UNC5A: variants seen among roughly 807,000 people sequenced by gnomAD.
UNC5A encodes the protein unc-5 netrin receptor A.
A neutral mutation model predicts 87.4 loss-of-function variants in UNC5A; 20 were observed. The observed-to-expected ratio is 0.23, with a 90% CI of 0.16 to 0.33. UNC5A has a LOEUF of 0.33. Among genes scored for constraint, UNC5A ranks in the 10% least tolerant of loss-of-function variants. The pLI is 1.00. For missense variants in UNC5A, 844 were observed against 1,133.4 expected (o/e 0.74, Z 3.67); for synonymous variants, 438 against 482.3 (o/e 0.91, Z 1.20).
At chr5:176,858,166 G>T (rs1019991331) in intron 1 of UNC5A, among the ~76,000 whole-genome samples, 4 of 152,242 alleles carry the variant, frequency 2.6e-5, no homozygotes, top group Non-Finnish European at 4.4e-5. Context: ...TGCACAGTCT[G>T]GGGGTGGGGA....
rs200300091 is a variant in UNC5A at position 176,862,872 on chromosome 5, G to T, written c.292+27G>T. On this transcript the variant is annotated intron_variant, in intron 2 of 14. Transcript: ENST00000329542. The stretch of plus-strand genomic sequence containing the variant: ...TGAGCCGCATGGGGCGCCAGGCAGG[G>T]CCAATCCGGGGGAGGCGAGTTTCGG... 3,296 of 1,610,368 alleles carry T rather than the reference G, an allele frequency of 2.0e-3. 13 individuals carry two copies. Among genetic ancestry groups the T allele is most frequent in the Non-Finnish European group, 2.4e-3 (2,859 of 1,179,090 alleles).
chr5:176,879,332 T>C lies in UNC5A; in HGVS notation c.2207T>C (p.Leu736Pro), dbSNP rs1361908224. The C allele has an allele frequency of 6.2e-7, 1 of 1,607,704 alleles. No individual in the cohort carries two copies. Among genetic ancestry groups the C allele is most frequent in the Admixed American group, 1.7e-5 (1 of 58,712 alleles). The change falls in exon 14 of 15, where the codon CTG becomes CCG. Residue 736 changes from leucine (L) to proline (P), a missense_variant. Coordinates refer to ENST00000329542, the MANE Select transcript of UNC5A (RefSeq NM_133369.3). ...ITKDTRFAEL[L>P]ALESEAGVPA... Reference sequence around the variant, plus strand: ...CAGGACACAAGGTTTGCTGAGCTGCTGGCTCTGGAGAGTGAAGCGGGGGTC... The same window carrying C: ...CAGGACACAAGGTTTGCTGAGCTGCCGGCTCTGGAGAGTGAAGCGGGGGTC...
intron 1 of UNC5A, among the ~76,000 whole-genome samples, chr5:176,834,504 A>T (rs1396253234): frequency 1.3e-5 from 2 of 152,216 alleles, no homozygotes; most frequent in Admixed American, 6.5e-5. Context: ...AAATGCCAGG[A>T]AAGGACGAAA....
chr5:176,863,158 T>G (rs905969651), intron 2 of UNC5A, among the ~76,000 whole-genome samples: 5 of 152,150 alleles, frequency 3.3e-5, no homozygotes, highest in Non-Finnish European at 7.3e-5. Flanking sequence ...GAGCCCAAGT[T>G]CCCACAGAGA....
At chr5:176,854,464 G>T (rs375660562) in intron 1 of UNC5A, among the ~76,000 whole-genome samples, 1 of 152,206 alleles carries the variant, frequency 6.6e-6, no homozygotes, top group African/African-American at 2.4e-5. Context: ...ACTCCCCTGC[G>T]TGTCTGCAAG....
chr5:176,862,907 A>C, intron 2 of UNC5A, 62 bp downstream of exon 2: 1 of 1,582,140 alleles, frequency 6.3e-7, no homozygotes, highest in Non-Finnish European at 8.6e-7. Flanking sequence ...GCCCCCCCAG[A>C]GGAGCCTGCA....
chr5:176,813,803 A>G (rs1756526260), intron 1 of UNC5A, among the ~76,000 whole-genome samples: 1 of 152,232 alleles, frequency 6.6e-6, no homozygotes, highest in Non-Finnish European at 1.5e-5. Flanking sequence ...TTCACAAGGC[A>G]GGAGCCTGCC....
chr5:176,879,742 C>T lies in UNC5A; in HGVS notation c.2385C>T (p.Ser795=), dbSNP rs142194384. 2 of 1,613,130 alleles carry T rather than the reference C, an allele frequency of 1.2e-6. No individual in the cohort carries two copies. The highest frequency in any genetic ancestry group is 2.7e-5 in the African/African-American group (2 of 74,918). ...HLDSHLSFFA[S]KPSPTAMILN... ...ACAGCCATCTCAGCTTCTTTGCCTCCAAGCCCAGCCCCACAGCCATGATCC... is the reference window on the plus strand; with the variant it reads ...ACAGCCATCTCAGCTTCTTTGCCTCTAAGCCCAGCCCCACAGCCATGATCC... Residue 795 remains serine, a synonymous_variant, in exon 15 of 15, where the codon TCC becomes TCT. Transcript: ENST00000329542.
chr5:176,864,924 C>G (rs1343819372), intron 2 of UNC5A: 4 of 436,846 alleles, frequency 9.2e-6, no homozygotes, highest in African/African-American at 8.1e-5. Context: ...CAGAGGCCTC[C>G]CTGCCCAGCA....
At position 176,831,157 on chromosome 5, in the gene UNC5A, C is replaced by T. The variant is rs145534679; in HGVS notation, c.70+20337C>T. Reference sequence around the variant, plus strand: ...AAGGAAAATAACTAGAAGCTTTTATCGTTCTGCAGAAGCAACATCAGAAAA... The same window carrying T: ...AAGGAAAATAACTAGAAGCTTTTATTGTTCTGCAGAAGCAACATCAGAAAA... On this transcript the variant is annotated intron_variant, in intron 1 of 14. Coordinates refer to ENST00000329542, the MANE Select transcript of UNC5A (RefSeq NM_133369.3). 5.7e-3 allele frequency among the ~76,000 whole-genome samples: 875 copies of T among 152,248 alleles called. 8 individuals are homozygous for T. The highest frequency in any genetic ancestry group is 0.014 in the South Asian group (69 of 4,828).
chr5:176,843,737 G>A (rs890519510), intron 1 of UNC5A, among the ~76,000 whole-genome samples: 2 of 152,314 alleles, frequency 1.3e-5, no homozygotes, highest in East Asian at 1.9e-4. Flanking sequence ...ACCGGGCTGC[G>A]CCCTGGAGCC....
Position 176,866,935 on chromosome 5 carries a change from T to C in UNC5A, c.293-1195T>C, listed in dbSNP as rs1182758774. Among the ~76,000 whole-genome samples the C allele has an allele frequency of 2.0e-5, 3 of 152,242 alleles. No homozygotes were observed. Among genetic ancestry groups the C allele is most frequent in the Non-Finnish European group, 4.4e-5 (3 of 68,010 alleles). On this transcript the variant is annotated intron_variant, in intron 2 of 14. Transcript: ENST00000329542. This position sits in a 1 kb window ranked among gnomAD's most constrained non-coding sequence, Gnocchi z 5.0. ...CTGGCCGGCGACAGGGACAAAGTGA[T>C]AGAAAAATCTGGACACCCAGTGTGA...
In UNC5A at chr5:176,877,920, G is replaced by T; in HGVS notation, c.1662G>T (p.Ala554=). ...ATGTGCTGCACCTGGGCGAGGAGGCGCCCTCCCACCTCTACTACTGCCAGC... is the reference window on the plus strand; with the variant it reads ...ATGTGCTGCACCTGGGCGAGGAGGCTCCCTCCCACCTCTACTACTGCCAGC... ...WEDVLHLGEE[A]PSHLYYCQLE... Residue 554 remains alanine, a synonymous_variant, in exon 11 of 15, where the codon GCG becomes GCT. Transcript: ENST00000329542. 1 of 1,602,312 alleles carries T rather than the reference G, an allele frequency of 6.2e-7. No individual in the cohort carries two copies. The highest frequency in any genetic ancestry group is 1.1e-5 in the South Asian group (1 of 90,994).
chr5:176,866,219 A>C lies in UNC5A; in HGVS notation c.293-1911A>C, dbSNP rs1757970956. ...CAGGAACCAGGCTGCCTGATGATCC[A>C]CAAGAGGAGAGCGCACAGCCCCTCA... is the stretch of plus-strand genomic sequence containing the variant. On this transcript the variant is annotated intron_variant, in intron 2 of 14. Transcript: ENST00000329542. The surrounding 1 kb of genome is among the most constrained non-coding windows in gnomAD (Gnocchi z 5.0). 6.6e-6 allele frequency among the ~76,000 whole-genome samples: 1 copy of C among 152,106 alleles called. No individual in the cohort carries two copies. The highest frequency in any genetic ancestry group is 6.5e-5 in the Admixed American group (1 of 15,278).
chr5:176,823,775 T>TGGGAAAAGGGAAA (rs1756786734), intron 1 of UNC5A, among the ~76,000 whole-genome samples: 1 of 151,894 alleles, frequency 6.6e-6, no homozygotes, highest in Admixed American at 6.5e-5. Flanking sequence ...GATACTGACT[T>TGGGAAAAGGGAAA]GGACTCCTCT....
At chr5:176,829,482 TTGGG>T in intron 1 of UNC5A, among the ~76,000 whole-genome samples, 1 of 120,054 alleles carries the variant, frequency 8.3e-6, no homozygotes, top group South Asian at 2.7e-4. Context: ...GGGTGGATGG[TTGGG>T]TGGGTGGATG....
intron 1 of UNC5A, among the ~76,000 whole-genome samples, chr5:176,829,588 T>G (rs1193533567): frequency 1.4e-5 from 2 of 141,616 alleles, no homozygotes; most frequent in Non-Finnish European, 3.1e-5. Flanking sequence ...ATGGATAAAG[T>G]AGGTGGATGG....
At chr5:176,832,624 A>G (rs1012173893) in intron 1 of UNC5A, among the ~76,000 whole-genome samples, 1 of 152,168 alleles carries the variant, frequency 6.6e-6, no homozygotes, top group Non-Finnish European at 1.5e-5. Flanking sequence ...TGGTGGAGGA[A>G]GCTCAGGTTG....
intron 1 of UNC5A, among the ~76,000 whole-genome samples, chr5:176,826,650 T>A (rs897839045): frequency 6.8e-6 from 1 of 147,140 alleles, no homozygotes; most frequent in African/African-American, 2.5e-5. Flanking sequence ...TTTTTTTTTT[T>A]TTTTTTTTTT....
Sources: gnomAD v4.1 joint callset for allele counts (sites outside exome capture counted in the v4.1 genomes callset) on GRCh38, gnomAD v4.1.1 for gene constraint, Gnocchi (gnomAD v3.1) non-coding constraint, MANE v1.5 for transcripts, NCBI Gene and HGNC (gene_info 2026-07-23, HGNC 2026-07-21) for gene names.